Variants in METTL15 observed in about 807,000 individuals in gnomAD.
METTL15 encodes methyltransferase 15, mitochondrial 12S rRNA N4-cytidine.
In METTL15, 34 loss-of-function variants were observed where a neutral mutation model predicts 38.3. That is an observed-to-expected ratio of 0.89 (90% CI 0.68 to 1.18). The LOEUF is 1.18. METTL15 is among the 50% of genes most tolerant of loss of function. METTL15 has a pLI of 0.00. For missense variants in METTL15, 438 were observed against 498.4 expected (o/e 0.88, Z 1.15); for synonymous variants, 162 against 170.9 (o/e 0.95, Z 0.41).
intron 6 of METTL15, among the ~76,000 whole-genome samples, chr11:28,468,673 A>G (rs762273114): frequency 6.6e-6 from 1 of 152,208 alleles, no homozygotes; most frequent in African/African-American, 2.4e-5. Context: ...GAGGATTATT[A>G]TGAACCTTTG....
chr11:28,158,264 A>G (rs953027331), intron 3 of METTL15, among the ~76,000 whole-genome samples: 2 of 152,184 alleles, frequency 1.3e-5, no homozygotes, highest in Admixed American at 6.5e-5. Flanking sequence ...TTTAATAATC[A>G]AGTGGATAGG....
intron 6 of METTL15, among the ~76,000 whole-genome samples, chr11:28,432,679 G>A (rs1193474174): frequency 1.3e-5 from 2 of 152,198 alleles, no homozygotes; most frequent in African/African-American, 4.8e-5. Flanking sequence ...CGAACTCATA[G>A]TGTTTCCATG....
intron 5 of METTL15, among the ~76,000 whole-genome samples, chr11:28,376,780 C>T (rs1590351141): frequency 6.6e-6 from 1 of 150,598 alleles, no homozygotes. Context: ...TTTGGCATGA[C>T]TTTGCAGCGG....
chr11:28,147,261 A>G (rs1348695655), intron 3 of METTL15, among the ~76,000 whole-genome samples: 2 of 151,896 alleles, frequency 1.3e-5, no homozygotes, highest in Non-Finnish European at 2.9e-5. Context: ...CACCTAATGC[A>G]ATCTACAACA....
intron 5 of METTL15, among the ~76,000 whole-genome samples, chr11:28,421,391 C>T (rs1391613878): frequency 6.6e-6 from 1 of 151,802 alleles, no homozygotes; most frequent in Non-Finnish European, 1.5e-5. Context: ...GCTACCAAAA[C>T]AAAAGACACA....
chr11:28,370,079 A>G (rs1382557009), intron 5 of METTL15, among the ~76,000 whole-genome samples: 1 of 152,092 alleles, frequency 6.6e-6, no homozygotes, highest in Non-Finnish European at 1.5e-5. Flanking sequence ...AAACACCTGA[A>G]TTATTTTCTT....
At chr11:28,511,046 G>C (rs1851669619) in intron 6 of METTL15, among the ~76,000 whole-genome samples, 1 of 152,130 alleles carries the variant, frequency 6.6e-6, no homozygotes. Context: ...CAATTAAAGA[G>C]AACCCAGGAA....
At chr11:28,326,927 C>T (rs1590328270) in intron 6 of METTL15, among the ~76,000 whole-genome samples, 5 of 152,036 alleles carry the variant, frequency 3.3e-5, no homozygotes, top group Admixed American at 3.3e-4. Flanking sequence ...AAGCATGAGC[C>T]ATCGTGCCCA....
intron 3 of METTL15, among the ~76,000 whole-genome samples, chr11:28,128,643 T>C: frequency 6.6e-6 from 1 of 152,164 alleles, no homozygotes; most frequent in Non-Finnish European, 1.5e-5. Flanking sequence ...GCGTAAAAGT[T>C]GAAAAGTGAG....
intron 6 of METTL15, among the ~76,000 whole-genome samples, chr11:28,457,856 G>T (rs1288242953): frequency 6.6e-6 from 1 of 152,192 alleles, no homozygotes; most frequent in Non-Finnish European, 1.5e-5. Flanking sequence ...GAGGTGAGCT[G>T]GTGGCAGGAT....
At chr11:28,460,663 G>A (rs1851206640) in intron 6 of METTL15, among the ~76,000 whole-genome samples, 1 of 152,050 alleles carries the variant, frequency 6.6e-6, no homozygotes, top group Non-Finnish European at 1.5e-5. Context: ...TCAGAGTATA[G>A]TAGGGAGAAG....
intron 5 of METTL15, among the ~76,000 whole-genome samples, chr11:28,362,451 A>G (rs568566879): frequency 6.6e-6 from 1 of 152,326 alleles, no homozygotes; most frequent in African/African-American, 2.4e-5. Flanking sequence ...TAAGCATAGT[A>G]CCCAACAGGT....
At chr11:28,478,539 C>G (rs917365256) in intron 6 of METTL15, among the ~76,000 whole-genome samples, 1 of 152,134 alleles carries the variant, frequency 6.6e-6, no homozygotes, top group Non-Finnish European at 1.5e-5. Context: ...TCCAGAGCCT[C>G]TTGTCTTTAT....
intron 3 of METTL15, among the ~76,000 whole-genome samples, chr11:28,199,626 G>A (rs942456266): frequency 3.3e-5 from 5 of 151,964 alleles, no homozygotes; most frequent in African/African-American, 9.7e-5. Context: ...GCTTATTTCT[G>A]TGCCTATCTC....
chr11:28,461,878 A>G (rs574161006), intron 6 of METTL15, among the ~76,000 whole-genome samples: 1 of 152,238 alleles, frequency 6.6e-6, no homozygotes, highest in Non-Finnish European at 1.5e-5. Context: ...AATTTTTAAA[A>G]GACATACAGG....
intron 3 of METTL15, chr11:28,125,956 A>G (rs979843297): frequency 1.3e-5 from 2 of 152,090 alleles, no homozygotes; most frequent in African/African-American, 4.8e-5. Context: ...AAATCCACAC[A>G]TGGCTATGTA....
chr11:28,486,752 G>T (rs1476988765), intron 6 of METTL15, among the ~76,000 whole-genome samples: 1 of 152,250 alleles, frequency 6.6e-6, no homozygotes, highest in African/African-American at 2.4e-5. Context: ...GTGTCATTTT[G>T]CCATGCCAGG....
intron 6 of METTL15, among the ~76,000 whole-genome samples, chr11:28,444,949 C>T (rs529794368): frequency 6.6e-6 from 1 of 152,046 alleles, no homozygotes; most frequent in African/African-American, 2.4e-5. Context: ...TCAGGTGGGG[C>T]TTGCTGTATG....
intron 3 of METTL15, among the ~76,000 whole-genome samples, chr11:28,127,272 G>C (rs1852530165): frequency 6.6e-6 from 1 of 152,076 alleles, no homozygotes. Context: ...GCAGATTTGA[G>C]GGAGATTTAA....
Sources: allele counts gnomAD v4.1 joint callset (sites outside exome capture counted in the v4.1 genomes callset), GRCh38; gene constraint gnomAD v4.1.1; transcripts MANE v1.5; gene names NCBI Gene and HGNC (gene_info 2026-07-23, HGNC 2026-07-21).